TENM3: variants seen among roughly 807,000 people sequenced by gnomAD.
TENM3 encodes the protein teneurin-3.
A neutral mutation model predicts 255.1 loss-of-function variants in TENM3; 63 were observed. The ratio of observed to expected loss-of-function variants is 0.25; its 90% CI spans 0.20 to 0.30. The LOEUF is 0.30. Ranked by LOEUF, TENM3 falls within the 10% of genes least tolerant of loss-of-function variation. The pLI is 1.00. For missense variants in TENM3, 2,929 were observed against 3,461.1 expected (o/e 0.85, Z 3.86); for synonymous variants, 1,306 against 1,322.3 (o/e 0.99, Z 0.27).
chr4:181,592,512 G>A, the TENM3 span, among the ~76,000 whole-genome samples: 1 of 151,962 alleles, frequency 6.6e-6, no homozygotes, highest in Non-Finnish European at 1.5e-5. Context: ...TTTGTTTTCA[G>A]AAAGAAACAA....
At chr4:182,192,460 G>T (rs544868308) in intron 1 of TENM3, among the ~76,000 whole-genome samples, 17 of 152,146 alleles carry the variant, frequency 1.1e-4, no homozygotes, top group Non-Finnish European at 2.5e-4. Flanking sequence ...TGGAAGTCAG[G>T]TTTGACCACT....
intron 22 of TENM3, among the ~76,000 whole-genome samples, chr4:182,757,988 A>G (rs916221880): frequency 1.3e-5 from 2 of 152,170 alleles, no homozygotes; most frequent in Non-Finnish European, 2.9e-5. Flanking sequence ...ATATATCCAT[A>G]TATATAAAAG....
At chr4:182,438,866 T>C (rs1462534911) in intron 3 of TENM3, among the ~76,000 whole-genome samples, 5 of 152,234 alleles carry the variant, frequency 3.3e-5, no homozygotes, top group African/African-American at 1.2e-4. Context: ...AAAGCTTTTG[T>C]TGAAAATCTT....
At chr4:182,661,818 C>T (rs1315189586) in intron 6 of TENM3, among the ~76,000 whole-genome samples, 1 of 152,168 alleles carries the variant, frequency 6.6e-6, no homozygotes, top group Non-Finnish European at 1.5e-5. Flanking sequence ...TTATCATTTA[C>T]CTTCCGCAAC....
At chr4:182,136,874 A>G in the TENM3 span, among the ~76,000 whole-genome samples, 1 of 152,162 alleles carries the variant, frequency 6.6e-6, no homozygotes. Flanking sequence ...TTTCTTAAAT[A>G]TTTTTCAAAG....
chr4:181,789,248 T>TTTTATTTTA, the TENM3 span, among the ~76,000 whole-genome samples: 1 of 140,520 alleles, frequency 7.1e-6, no homozygotes, highest in Admixed American at 6.9e-5. Context: ...TTTTATTTTA[T>TTTTATTTTA]TTTATTTTAT....
the TENM3 span, among the ~76,000 whole-genome samples, chr4:181,654,400 C>T: frequency 3.3e-5 from 5 of 152,044 alleles, no homozygotes; most frequent in Non-Finnish European, 7.4e-5. Context: ...AGGATATGTG[C>T]TCTCTGGTGT....
chr4:182,347,250 T>C (rs566290652), intron 3 of TENM3, among the ~76,000 whole-genome samples: 1 of 152,300 alleles, frequency 6.6e-6, no homozygotes, highest in South Asian at 2.1e-4. Flanking sequence ...TCTTGGACCA[T>C]GTCACCTGTT....
chr4:182,301,384 T>C (rs748927999), intron 1 of TENM3, among the ~76,000 whole-genome samples: 1 of 152,222 alleles, frequency 6.6e-6, no homozygotes, highest in Admixed American at 6.5e-5. Context: ...CCCCATATTA[T>C]TAGCTTTTAT....
At chr4:182,423,425 T>C (rs189927303) in intron 3 of TENM3, among the ~76,000 whole-genome samples, 1 of 152,320 alleles carries the variant, frequency 6.6e-6, no homozygotes, top group Admixed American at 6.5e-5. Flanking sequence ...TCAATATGGT[T>C]GCATTATTCT....
the TENM3 span, among the ~76,000 whole-genome samples, chr4:182,024,576 G>C: frequency 1.3e-5 from 2 of 152,112 alleles, no homozygotes; most frequent in African/African-American, 4.8e-5. Context: ...TGGGTACATA[G>C]CAGGTGTATA....
At chr4:181,681,184 G>A in the TENM3 span, among the ~76,000 whole-genome samples, 5 of 152,036 alleles carry the variant, frequency 3.3e-5, no homozygotes, top group African/African-American at 1.2e-4. Flanking sequence ...GAGTAAAGGA[G>A]CAAGTGCATT....
chr4:182,528,118 AGTTT>A (rs1739405369), intron 3 of TENM3, among the ~76,000 whole-genome samples: 1 of 151,926 alleles, frequency 6.6e-6, no homozygotes, highest in South Asian at 2.1e-4. Flanking sequence ...AGATTTTAAA[AGTTT>A]GTTTTTTTAT....
intron 7 of TENM3, among the ~76,000 whole-genome samples, chr4:182,678,265 A>G (rs1755814707): frequency 6.6e-6 from 1 of 152,164 alleles, no homozygotes; most frequent in Non-Finnish European, 1.5e-5. Context: ...ATCACATTTT[A>G]TACTTTTAAT....
the TENM3 span, among the ~76,000 whole-genome samples, chr4:181,667,877 T>G: frequency 1.3e-5 from 2 of 152,262 alleles, no homozygotes; most frequent in East Asian, 3.9e-4. Flanking sequence ...GTGGGTCAAG[T>G]AGTAACCACT....
intron 1 of TENM3, among the ~76,000 whole-genome samples, chr4:182,191,756 G>C: frequency 6.6e-6 from 1 of 152,158 alleles, no homozygotes; most frequent in East Asian, 1.9e-4. Flanking sequence ...ATCAGCCAGA[G>C]ATCTAAAGCC....
At chr4:181,853,129 T>C in the TENM3 span, among the ~76,000 whole-genome samples, 1 of 152,182 alleles carries the variant, frequency 6.6e-6, no homozygotes, top group Non-Finnish European at 1.5e-5. Context: ...TTTTTAGTGT[T>C]TAGAAAAACT....
rs1157117846 is a variant in TENM3 at position 182,739,257 on chromosome 4, AGAG to A, written c.3379+717_3379+719del. On this transcript the variant is annotated intron_variant, in intron 18 of 27. Transcript: ENST00000511685. ...CATGTTTCAAATGCCGCAGACCAAA[AGAG>A]GAGTATTTGCAAAATATGACCAGCT... Among the ~76,000 whole-genome samples, 8 of 152,296 alleles carry A rather than the reference AGAG, an allele frequency of 5.3e-5. No individual in the cohort carries two copies. In the East Asian group the frequency reaches 1.5e-3, roughly 29 times the overall value.
intron 4 of TENM3, among the ~76,000 whole-genome samples, chr4:182,611,930 G>C (rs1438572429): frequency 6.6e-6 from 1 of 151,940 alleles, no homozygotes; most frequent in Non-Finnish European, 1.5e-5. Context: ...TAAACTCTTT[G>C]GGTATTTTGC....
Sources: gnomAD v4.1 joint callset for allele counts (sites outside exome capture counted in the v4.1 genomes callset) on GRCh38, gnomAD v4.1.1 for gene constraint, MANE v1.5 for transcripts, NCBI Gene and HGNC (gene_info 2026-07-23, HGNC 2026-07-21) for gene names.